PPFIA2: variants seen among roughly 807,000 people sequenced by gnomAD.
The protein encoded by PPFIA2 is liprin-alpha-2.
In PPFIA2, 46 loss-of-function variants were observed where a neutral mutation model predicts 175.5. The observed-to-expected ratio is 0.26, with a 90% confidence interval of 0.21 to 0.34. PPFIA2 has a LOEUF of 0.34. Among genes scored for constraint, PPFIA2 ranks in the 10% least tolerant of loss-of-function variants. The pLI is 1.00. For missense variants in PPFIA2, 1,179 were observed against 1,506.1 expected (o/e 0.78, Z 3.60); for synonymous variants, 568 against 511.4 (o/e 1.11, Z -1.49).
At chr12:81,499,477 C>A (rs1485819118) in intron 4 of PPFIA2, among the ~76,000 whole-genome samples, 13 of 152,082 alleles carry the variant, frequency 8.5e-5, no homozygotes, top group Non-Finnish European at 1.5e-5. Flanking sequence ...GGTATAGGAT[C>A]AGCTAATAAT....
chr12:81,272,286 T>C (rs2039342909), intron 28 of PPFIA2, among the ~76,000 whole-genome samples: 1 of 152,186 alleles, frequency 6.6e-6, no homozygotes, highest in Non-Finnish European at 1.5e-5. Flanking sequence ...TTTCTTTTTA[T>C]GTCTCCACCA....
chr12:81,302,690 C>T, intron 22 of PPFIA2: 1 of 453,058 alleles, frequency 2.2e-6, no homozygotes, highest in Non-Finnish European at 4.4e-6. Context: ...TCCAGATGTG[C>T]TTTTCCTTTT....
At chr12:81,517,043 G>A (rs2062536872) in intron 4 of PPFIA2, among the ~76,000 whole-genome samples, 1 of 150,940 alleles carries the variant, frequency 6.6e-6, no homozygotes, top group Non-Finnish European at 1.5e-5. Flanking sequence ...CAAAGAGAAG[G>A]CTTCATGATT....
At chr12:81,565,153 C>A (rs985017538) in intron 4 of PPFIA2, among the ~76,000 whole-genome samples, 2 of 152,186 alleles carry the variant, frequency 1.3e-5, no homozygotes, top group East Asian at 1.9e-4. Context: ...CCGATCCATG[C>A]TGCCATCAGC....
intron 4 of PPFIA2, among the ~76,000 whole-genome samples, chr12:81,665,961 G>T (rs1425965108): frequency 6.6e-6 from 1 of 152,050 alleles, no homozygotes; most frequent in Admixed American, 6.6e-5. Flanking sequence ...GATATGAACA[G>T]ACACTTCTCA....
chr12:81,418,523 ATTT>A (rs941013356), intron 7 of PPFIA2, among the ~76,000 whole-genome samples: 5 of 151,962 alleles, frequency 3.3e-5, no homozygotes, highest in Non-Finnish European at 7.4e-5. Flanking sequence ...CCATGAATAA[ATTT>A]TAATTGGAAA....
intron 8 of PPFIA2, among the ~76,000 whole-genome samples, chr12:81,402,125 A>G (rs975505248): frequency 2.6e-5 from 4 of 152,102 alleles, no homozygotes; most frequent in Admixed American, 6.6e-5. Flanking sequence ...CTGACTGTGT[A>G]ACTTAAGCAA....
chr12:81,619,236 G>C (rs554996084), intron 4 of PPFIA2, among the ~76,000 whole-genome samples: 1 of 152,226 alleles, frequency 6.6e-6, no homozygotes, highest in South Asian at 2.1e-4. Context: ...TTATTCTTAG[G>C]AGCTCTGGTC....
intron 4 of PPFIA2, among the ~76,000 whole-genome samples, chr12:81,632,405 G>A (rs1333005518): frequency 6.6e-6 from 1 of 151,786 alleles, no homozygotes; most frequent in Non-Finnish European, 1.5e-5. Flanking sequence ...ATATATATAT[G>A]TAAATATATA....
chr12:81,585,138 A>T (rs75667924), intron 4 of PPFIA2, among the ~76,000 whole-genome samples: 2,613 of 143,590 alleles, frequency 0.018, 84 homozygotes, highest in African/African-American at 0.064. Flanking sequence ...AATAAAAAAG[A>T]ATAAATATAG....
chr12:81,345,577 T>A (rs1188875546), intron 18 of PPFIA2, among the ~76,000 whole-genome samples: 1 of 152,166 alleles, frequency 6.6e-6, no homozygotes, highest in Non-Finnish European at 1.5e-5. Flanking sequence ...AGAGTTATGA[T>A]GCTTATGTTT....
chr12:81,300,161 C>T (rs148454336), intron 22 of PPFIA2, among the ~76,000 whole-genome samples: 1 of 152,274 alleles, frequency 6.6e-6, no homozygotes, highest in East Asian at 1.9e-4. Flanking sequence ...TTGACATCCA[C>T]TTACAAAGCC....
intron 8 of PPFIA2, among the ~76,000 whole-genome samples, chr12:81,390,114 C>T (rs1241919939): frequency 6.6e-6 from 1 of 152,042 alleles, no homozygotes; most frequent in Admixed American, 6.6e-5. Flanking sequence ...GCATGTTATC[C>T]ACACCTCATT....
chr12:81,461,509 T>A (rs781463409), intron 4 of PPFIA2, among the ~76,000 whole-genome samples: 3 of 152,100 alleles, frequency 2.0e-5, no homozygotes, highest in Non-Finnish European at 2.9e-5. Flanking sequence ...GAAGATAACA[T>A]AGAACAGTTG....
intron 3 of PPFIA2, among the ~76,000 whole-genome samples, chr12:81,733,210 A>C (rs906006583): frequency 1.3e-5 from 2 of 151,560 alleles, no homozygotes; most frequent in African/African-American, 4.8e-5. Flanking sequence ...CTCTCTTTTT[A>C]GGTTTTAGGT....
intron 7 of PPFIA2, among the ~76,000 whole-genome samples, chr12:81,408,183 G>T (rs936623146): frequency 6.6e-6 from 1 of 151,828 alleles, no homozygotes; most frequent in African/African-American, 2.4e-5. Flanking sequence ...TACATCAAAG[G>T]AATGACAAGA....
chr12:81,384,312 T>A, intron 8 of PPFIA2, 68 bp from the exon 9 acceptor site: 2 of 1,124,656 alleles, frequency 1.8e-6, no homozygotes, highest in Non-Finnish European at 1.2e-6. Flanking sequence ...AAAATAAACT[T>A]AAAGAAATTA....
At position 81,534,579 on chromosome 12, in the gene PPFIA2, A is replaced by G. The variant is rs191168608; in HGVS notation, c.304-76713T>C. Among the ~76,000 whole-genome samples the G allele has an allele frequency of 2.6e-5, 4 of 151,848 alleles. No homozygotes were observed. The East Asian group carries it at 7.8e-4, about 29-fold the overall frequency. On this transcript the variant is annotated intron_variant, in intron 4 of 32. Coordinates refer to ENST00000549396, the MANE Select transcript of PPFIA2 (RefSeq NM_003625.5). The stretch of plus-strand genomic sequence containing the variant: ...TTTAAAAAAGACTATAAGGGACCCT[A>G]AGCACTAATAATTTACTGTTAAACT...
chr12:81,343,053 T>C (rs1315503202), intron 19 of PPFIA2, among the ~76,000 whole-genome samples: 1 of 152,028 alleles, frequency 6.6e-6, no homozygotes, highest in Non-Finnish European at 1.5e-5. Flanking sequence ...TTCTGATTTT[T>C]CTTAAATGTT....
Sources: allele counts gnomAD v4.1 joint callset (sites outside exome capture counted in the v4.1 genomes callset), GRCh38; gene constraint gnomAD v4.1.1; transcripts MANE v1.5; gene names NCBI Gene and HGNC (gene_info 2026-07-23, HGNC 2026-07-21).